The following BANP variants were observed in gnomAD, a reference collection of about 807,000 sequenced individuals.
BANP encodes the protein protein BANP.
BANP carries 11 observed loss-of-function variants against 68.1 expected under a neutral mutation model. The ratio of observed to expected loss-of-function variants is 0.16; its 90% CI spans 0.10 to 0.27. BANP has a LOEUF of 0.27. BANP is among the 10% of genes least tolerant of loss of function. The probability of loss-of-function intolerance (pLI) is 1.00; values close to 1 mark genes in which losing one functional copy is unlikely to be tolerated. For missense variants in BANP, 504 were observed against 722.7 expected, an observed-to-expected ratio of 0.70 and a Z score of 3.47; for synonymous variants, 329 against 303.2, an observed-to-expected ratio of 1.09 and a Z score of -0.88.
intron 12 of BANP, 33 bp from the exon 13 acceptor site, chr16:88,072,036 G>A (rs536844238): frequency 7.1e-6 from 11 of 1,546,678 alleles, no homozygotes; most frequent in South Asian, 3.6e-5. Flanking sequence ...TGTGGGCCAC[G>A]CCGCTGACGG....
Position 88,004,265 on chromosome 16 carries a change from C to T in BANP, c.363-30C>T, listed in dbSNP as rs770446412. Reference sequence around the variant, plus strand: ...ATGAATGTTGTTGTTTTAAGGCCTTCTTTTTCTTTGTGATTCTTTTGTTCC... The same window carrying T: ...ATGAATGTTGTTGTTTTAAGGCCTTTTTTTTCTTTGTGATTCTTTTGTTCC... On this transcript the variant is annotated intron_variant, in intron 4 of 13. Coordinates refer to ENST00000682872, the MANE Select transcript of BANP (RefSeq NM_001386991.1). The surrounding 1 kb of genome is among the most constrained non-coding windows in gnomAD (Gnocchi z 7.0). The T allele has an allele frequency of 4.4e-6, 6 of 1,362,690 alleles. No individual in the cohort carries two copies. The highest frequency in any genetic ancestry group is 6.1e-6 in the Non-Finnish European group (6 of 976,688). 84.4% of individuals were successfully genotyped at this position (1,362,690 alleles called of 1,614,324 possible).
intron 7 of BANP, among the ~76,000 whole-genome samples, chr16:88,023,584 C>T (rs954716365): frequency 2.0e-4 from 31 of 152,160 alleles, no homozygotes; most frequent in African/African-American, 7.5e-4. Flanking sequence ...GCAGGTGGGG[C>T]TCTTCATTCC....
intron 1 of BANP, chr16:87,969,909 CTTT>C (rs34640333): frequency 0.34 from 39,592 of 117,450 alleles, 5,554 homozygotes; most frequent in Non-Finnish European, 0.42. Flanking sequence ...GTTGATTGGT[CTTT>C]TTTTTTTTTT....
At chr16:88,037,217 G>A (rs1269006162) in intron 10 of BANP, 2 of 152,130 alleles carry the variant, frequency 1.3e-5, no homozygotes, top group African/African-American at 2.4e-5. Flanking sequence ...TTGACTACTC[G>A]AATTTCAATT....
intron 4 of BANP, among the ~76,000 whole-genome samples, chr16:87,991,920 T>C (rs1223495920): frequency 6.6e-6 from 1 of 152,224 alleles, no homozygotes; most frequent in Non-Finnish European, 1.5e-5. Flanking sequence ...TTTATAAAAA[T>C]ATTTTTGCCT....
At chr16:87,952,182 A>T (rs1008297254) in intron 1 of BANP, 1 of 152,288 alleles carries the variant, frequency 6.6e-6, no homozygotes, top group Non-Finnish European at 1.5e-5. Context: ...CCCCCCTAGG[A>T]TGCAGAAAGT....
chr16:87,981,174 C>T (rs1567651095), intron 3 of BANP, 47 bp downstream of exon 3: 1 of 1,355,096 alleles, frequency 7.4e-7, no homozygotes, highest in South Asian at 1.2e-5. Context: ...TTGCAGATTT[C>T]AAGGGCTGCT....
intron 4 of BANP, among the ~76,000 whole-genome samples, chr16:87,993,502 C>T (rs2066409765): frequency 6.6e-6 from 1 of 152,192 alleles, no homozygotes; most frequent in African/African-American, 2.4e-5. Flanking sequence ...ATCCTTCCGG[C>T]TTTGGCCATT....
intron 1 of BANP, among the ~76,000 whole-genome samples, chr16:87,964,723 G>T (rs1189911627): frequency 6.6e-6 from 1 of 152,242 alleles, no homozygotes; most frequent in Non-Finnish European, 1.5e-5. Context: ...ATGTGAGCAG[G>T]TCTGAGGGGC....
At chr16:88,039,047 A>G (rs2080113552) in intron 11 of BANP, among the ~76,000 whole-genome samples, 1 of 152,194 alleles carries the variant, frequency 6.6e-6, no homozygotes, top group African/African-American at 2.4e-5. Flanking sequence ...CTTTACACAG[A>G]GCGGGACAGA....
intron 1 of BANP, among the ~76,000 whole-genome samples, chr16:87,969,229 TTTTG>T (rs2060667908): frequency 1.6e-5 from 1 of 62,582 alleles, no homozygotes; most frequent in Non-Finnish European, 2.9e-5. Flanking sequence ...CCTTACGTTG[TTTTG>T]TTGTTGTTGT....
chr16:87,968,439 G>A (rs1471701734), intron 1 of BANP, among the ~76,000 whole-genome samples: 2 of 146,536 alleles, frequency 1.4e-5, no homozygotes, highest in East Asian at 2.0e-4. Context: ...AGCTGAGATC[G>A]TGCCATTGCA....
At chr16:88,076,104 T>C (rs1159020083) in intron 13 of BANP, among the ~76,000 whole-genome samples, 1 of 152,230 alleles carries the variant, frequency 6.6e-6, no homozygotes, top group Admixed American at 6.5e-5. Context: ...TTTTAATATC[T>C]GTAACTCGTT....
intron 2 of BANP, among the ~76,000 whole-genome samples, chr16:87,976,039 A>T (rs2062058125): frequency 6.6e-6 from 1 of 152,036 alleles, no homozygotes; most frequent in Non-Finnish European, 1.5e-5. Flanking sequence ...CTGCTCTGTT[A>T]GCAGCTCTGC....
chr16:88,048,845 C>T (rs371570955), intron 11 of BANP, among the ~76,000 whole-genome samples: 3 of 152,032 alleles, frequency 2.0e-5, no homozygotes, highest in East Asian at 1.9e-4. Flanking sequence ...ACAGTGTTCT[C>T]GGTATCGAAT....
chr16:87,961,515 A>G (rs1377551350), intron 1 of BANP, among the ~76,000 whole-genome samples: 1 of 152,054 alleles, frequency 6.6e-6, no homozygotes, highest in Non-Finnish European at 1.5e-5. Flanking sequence ...ATCGGAGCAG[A>G]CCACCGGTGG....
chr16:88,072,888 C>T (rs953862605), intron 13 of BANP, among the ~76,000 whole-genome samples: 18 of 152,236 alleles, frequency 1.2e-4, no homozygotes, highest in African/African-American at 3.1e-4. Flanking sequence ...CCAGCGGGGA[C>T]GTTGTCCTTG....
intron 4 of BANP, among the ~76,000 whole-genome samples, chr16:87,995,066 G>T (rs754461896): frequency 6.6e-6 from 1 of 152,134 alleles, no homozygotes; most frequent in South Asian, 2.1e-4. Context: ...AAGGGGAGAG[G>T]CGTGAAAAGG....
chr16:88,048,020 G>A (rs1469595865), intron 11 of BANP, among the ~76,000 whole-genome samples: 2 of 152,238 alleles, frequency 1.3e-5, no homozygotes, highest in Non-Finnish European at 2.9e-5. Context: ...TGGGTGATGG[G>A]ACGTGCAGGG....
Sources: allele counts gnomAD v4.1 joint callset (sites outside exome capture counted in the v4.1 genomes callset), GRCh38; gene constraint gnomAD v4.1.1; non-coding constraint Gnocchi (gnomAD v3.1); transcripts MANE v1.5; gene names NCBI Gene and HGNC (gene_info 2026-07-23, HGNC 2026-07-21).